IQCH: variants seen among roughly 807,000 people sequenced by gnomAD.
IQCH encodes IQ motif containing H.
A neutral mutation model predicts 117.0 loss-of-function variants in IQCH; 98 were observed. That is an observed-to-expected ratio of 0.84 (90% confidence interval 0.71 to 0.99). The LOEUF is 0.99. IQCH is among the 50% of genes least tolerant of loss of function. The pLI, the probability that IQCH is intolerant of heterozygous loss-of-function variation, is 0.00. For missense variants in IQCH, 1,102 were observed against 1,243.8 expected (o/e 0.89, Z 1.72); for synonymous variants, 412 against 448.2 (o/e 0.92, Z 1.02).
chr15:67,372,452 CCA>C lies in IQCH; in HGVS notation c.1096_1097del (p.Gln366ArgfsTer46), dbSNP rs1206328700. 1 of 1,613,842 alleles carries C rather than the reference CCA, an allele frequency of 6.2e-7. No homozygotes were observed. The highest frequency in any genetic ancestry group is 1.3e-5 in the African/African-American group (1 of 74,876). On this transcript the variant is annotated frameshift_variant, in exon 9 of 21. Transcript: ENST00000335894. LOFTEE classifies it high-confidence loss of function. ...INLPGQRYKG[Q>X]DGNSEAAMKI... ...ATCTTCCAGGGCAAAGGTACAAGGG[CCA>C]AGATGGAAATTCGGAGGCCGCCATG...
chr15:67,361,492 T>C (rs944096453), intron 8 of IQCH, among the ~76,000 whole-genome samples: 1 of 152,236 alleles, frequency 6.6e-6, no homozygotes, highest in African/African-American at 2.4e-5. Flanking sequence ...ATATCAATCA[T>C]TTTTATGGAA....
chr15:67,434,785 C>CTT (rs775675138), intron 16 of IQCH, among the ~76,000 whole-genome samples: 14,847 of 126,542 alleles, frequency 0.12, 1,067 homozygotes, highest in African/African-American at 0.16. Context: ...CTTTTCTTTT[C>CTT]TTTTTTTTTT....
chr15:67,335,265 A>G (rs1029519631), intron 4 of IQCH, among the ~76,000 whole-genome samples: 7 of 152,146 alleles, frequency 4.6e-5, no homozygotes, highest in Non-Finnish European at 7.4e-5. Flanking sequence ...GTTGTGTTTT[A>G]TGTTCGATCC....
Position 67,413,162 on chromosome 15 carries a change from C to T in IQCH, c.2098-3769C>T, listed in dbSNP as rs1246006693. Among the ~76,000 whole-genome samples the T allele has an allele frequency of 6.6e-6, 1 of 151,902 alleles. No homozygotes were observed. Among genetic ancestry groups the T allele is most frequent in the Non-Finnish European group, 1.5e-5 (1 of 67,974 alleles). ...TTGAATAGCTACAGATCTTCCCTTA[C>T]CAGCATCTGCCCTTAAAGTTGTGGC... On this transcript the variant is annotated intron_variant, in intron 14 of 20. Coordinates refer to ENST00000335894, the MANE Select transcript of IQCH (RefSeq NM_001031715.3). The surrounding 1 kb of genome is among the most constrained non-coding windows in gnomAD (Gnocchi z 5.0).
At chr15:67,255,731 C>T (rs1965147371) in intron 1 of IQCH, among the ~76,000 whole-genome samples, 1 of 152,188 alleles carries the variant, frequency 6.6e-6, no homozygotes, top group Admixed American at 6.5e-5. Flanking sequence ...TGAAGTGGGT[C>T]TTACTCGTCA....
intron 4 of IQCH, among the ~76,000 whole-genome samples, chr15:67,325,908 A>G (rs906344204): frequency 2.0e-5 from 3 of 152,148 alleles, no homozygotes; most frequent in Non-Finnish European, 4.4e-5. Flanking sequence ...TTTCCTCAAA[A>G]TATTTAATAT....
At position 67,467,360 on chromosome 15, in the gene IQCH, A is replaced by T. The variant is rs1314640243; in HGVS notation, c.2676+2063A>T. Among the ~76,000 whole-genome samples, 1 of 152,180 alleles carries T rather than the reference A, an allele frequency of 6.6e-6. No individual in the cohort carries two copies. Among genetic ancestry groups the T allele is most frequent in the Non-Finnish European group, 1.5e-5 (1 of 68,024 alleles). On this transcript the variant is annotated intron_variant, in intron 17 of 20. Transcript: ENST00000335894. This position sits in a 1 kb window ranked among gnomAD's most constrained non-coding sequence, Gnocchi z 5.7. Reference sequence around the variant, plus strand: ...TGCTTTGAGTGAGAAGCACTCTTCCATTTTCCCCATGTTGCCTATAGGTTT... The same window carrying T: ...TGCTTTGAGTGAGAAGCACTCTTCCTTTTTCCCCATGTTGCCTATAGGTTT...
rs767445068 is a variant in IQCH at position 67,344,173 on chromosome 15, C to T, written c.619C>T (p.Arg207Cys). Residue 207 changes from arginine (R) to cysteine (C), a missense_variant, in exon 6 of 21, where the codon CGT (arginine) becomes TGT (cysteine). Coordinates refer to ENST00000335894, the MANE Select transcript of IQCH (RefSeq NM_001031715.3). ...AAPLHSFDEA[R>C]KIPTVATFTI... The stretch of plus-strand genomic sequence containing the variant: ...TCCTCTGCATAGTTTTGATGAAGCA[C>T]GTAAGATTCCAACTGTAGGTAAGAT... The T allele has an allele frequency of 1.3e-5, 21 of 1,613,246 alleles. No individual in the cohort carries two copies. The highest frequency in any genetic ancestry group is 4.5e-5 in the East Asian group (2 of 44,846).
intron 4 of IQCH, among the ~76,000 whole-genome samples, chr15:67,286,616 G>GTATT (rs61327030): frequency 0.55 from 66,230 of 120,042 alleles, 15,270 homozygotes; most frequent in Middle Eastern, 0.62. Context: ...ATTTATTTAT[G>GTATT]TATTTATTTA....
chr15:67,432,333 C>T lies in IQCH; in HGVS notation c.2505+10756C>T, dbSNP rs924294174. Among the ~76,000 whole-genome samples, 7 of 151,868 alleles carry T rather than the reference C, an allele frequency of 4.6e-5. No individual in the cohort carries two copies. The highest frequency in any genetic ancestry group is 3.9e-4 in the Admixed American group (6 of 15,260). ...CAGTATATCCCATAAAGTCTGAAAA[C>T]GATTTTTAAGAGTTTCTAAATACAG... On this transcript the variant is annotated intron_variant, in intron 16 of 20. Transcript: ENST00000335894. The surrounding 1 kb of genome is among the most constrained non-coding windows in gnomAD (Gnocchi z 5.0).
intron 15 of IQCH, 186 bp from the exon 16 acceptor site, chr15:67,421,105 C>T: frequency 1.7e-6 from 1 of 602,812 alleles, no homozygotes; most frequent in South Asian, 2.0e-5. Flanking sequence ...GATACAGTAT[C>T]TCCAAGATGC....
At chr15:67,429,577 G>A (rs900418229) in intron 16 of IQCH, among the ~76,000 whole-genome samples, 1 of 152,116 alleles carries the variant, frequency 6.6e-6, no homozygotes, top group South Asian at 2.1e-4. Flanking sequence ...CATGAATAAC[G>A]ATAACAAAAA....
rs1971056470 is a variant in IQCH at position 67,384,850 on chromosome 15, G to A, written c.1373-86G>A. 1 of 866,202 alleles carries A rather than the reference G, an allele frequency of 1.2e-6. No homozygotes were observed. 53.7% of individuals were successfully genotyped at this position (866,202 alleles called of 1,614,324 possible). On this transcript the variant is annotated intron_variant, in intron 10 of 20. Transcript: ENST00000335894. The surrounding 1 kb of genome is among the most constrained non-coding windows in gnomAD (Gnocchi z 4.3). ...AGAGAAAATTTTTTCCTGGAAATAT[G>A]GACTGTGACATTTTGAAATTCTCTT...
intron 18 of IQCH, among the ~76,000 whole-genome samples, chr15:67,482,364 GT>G (rs1019488294): frequency 1.1e-4 from 16 of 152,182 alleles, no homozygotes; most frequent in African/African-American, 3.9e-4. Flanking sequence ...TGTTCCACCA[GT>G]TTTTGAATAG....
At chr15:67,341,291 G>C (rs1386722760) in intron 5 of IQCH, among the ~76,000 whole-genome samples, 1 of 152,148 alleles carries the variant, frequency 6.6e-6, no homozygotes, top group Non-Finnish European at 1.5e-5. Flanking sequence ...ATATCAAAGA[G>C]TTGTTCTCCT....
At position 67,401,199 on chromosome 15, in the gene IQCH, AT is replaced by A. The variant is rs1374953533; in HGVS notation, c.2097+900del. On this transcript the variant is annotated intron_variant, in intron 14 of 20. Coordinates refer to ENST00000335894, the MANE Select transcript of IQCH (RefSeq NM_001031715.3). The surrounding 1 kb of genome is among the most constrained non-coding windows in gnomAD (Gnocchi z 4.7). ...TCTTAGCATGAATGGACGTGTATAG[AT>A]TTTTTCCATGCACATTTGTGAAGGG... is the stretch of plus-strand genomic sequence containing the variant. Among the ~76,000 whole-genome samples, 1 of 152,090 alleles carries A rather than the reference AT, an allele frequency of 6.6e-6. No homozygotes were observed. Among genetic ancestry groups the A allele is most frequent in the African/African-American group, 2.4e-5 (1 of 41,432 alleles).
chr15:67,378,784 A>G (rs551503023), intron 10 of IQCH, among the ~76,000 whole-genome samples: 2 of 152,236 alleles, frequency 1.3e-5, no homozygotes, highest in East Asian at 3.9e-4. Context: ...TATTAATATT[A>G]GGATATGCTG....
chr15:67,371,498 A>C, intron 8 of IQCH: 1 of 1,593,636 alleles, frequency 6.3e-7, no homozygotes, highest in Non-Finnish European at 8.5e-7. Context: ...TAAGAATAAA[A>C]GAACACGTGT....
At chr15:67,265,325 A>G in intron 3 of IQCH, among the ~76,000 whole-genome samples, 1 of 152,232 alleles carries the variant, frequency 6.6e-6, no homozygotes, top group East Asian at 1.9e-4. Flanking sequence ...GAGTGAAGGA[A>G]GACATTGACT....
Sources: allele counts gnomAD v4.1 joint callset (sites outside exome capture counted in the v4.1 genomes callset), GRCh38; gene constraint gnomAD v4.1.1; non-coding constraint Gnocchi (gnomAD v3.1); transcripts MANE v1.5; gene names NCBI Gene and HGNC (gene_info 2026-07-23, HGNC 2026-07-21).